Variants in TEX36 observed in about 807,000 individuals in gnomAD.
TEX36 encodes the protein testis expressed 36.
TEX36 carries 12 observed loss-of-function variants against 13.6 expected under a neutral mutation model. The observed-to-expected ratio is 0.88, with a 90% CI of 0.56 to 1.43. The LOEUF (loss-of-function observed/expected upper bound fraction) is 1.43, where lower values mean the gene tolerates loss of function less well. Ranked by LOEUF, TEX36 falls within the 40% of genes most tolerant of loss-of-function variation. TEX36 has a pLI of 0.00. For missense variants in TEX36, 224 were observed against 228.3 expected, an observed-to-expected ratio of 0.98 and a Z score of 0.12; for synonymous variants, 93 against 83.0, an observed-to-expected ratio of 1.12 and a Z score of -0.65.
intron 3 of TEX36, among the ~76,000 whole-genome samples, chr10:125,632,597 C>A (rs1846570144): frequency 6.6e-6 from 1 of 152,092 alleles, no homozygotes; most frequent in Non-Finnish European, 1.5e-5. Flanking sequence ...AGAAGAGAAG[C>A]TGGTAAAAGT....
intron 3 of TEX36, among the ~76,000 whole-genome samples, chr10:125,614,490 T>G (rs1014046099): frequency 6.6e-5 from 10 of 151,660 alleles, no homozygotes; most frequent in Admixed American, 3.9e-4. Context: ...AGTTTCAGCT[T>G]TCTACATATG....
rs536941812 is a variant in TEX36, at chr10:125,683,082, C to T, written c.-93G>A. The T allele has an allele frequency of 2.6e-5, 35 of 1,371,634 alleles. No homozygotes were observed. The East Asian group carries it at 8.0e-4, about 31-fold the overall frequency. The allele number at this position is 1,371,634 out of a possible 1,614,324, so 85.0% of individuals were successfully genotyped here. ...GAAGCTGCTTCCTAAACTTCATAAG[C>T]TCTACACGTCTGGGAAGCTCCTCCT... On this transcript the variant is annotated 5_prime_UTR_variant, in exon 1 of 4. Coordinates refer to ENST00000368821, the MANE Select transcript of TEX36 (RefSeq NM_001128202.3).
At chr10:125,586,647 A>C (rs1381238892) in intron 3 of TEX36, among the ~76,000 whole-genome samples, 1 of 150,594 alleles carries the variant, frequency 6.6e-6, no homozygotes, top group African/African-American at 2.4e-5. Context: ...AAAAAAAAAA[A>C]AAAAAAAAAA....
chr10:125,599,233 A>G (rs1327086222), intron 3 of TEX36, among the ~76,000 whole-genome samples: 1 of 152,192 alleles, frequency 6.6e-6, no homozygotes, highest in African/African-American at 2.4e-5. Context: ...TTGTGGAAGA[A>G]GTCCACATTG....
intron 3 of TEX36, among the ~76,000 whole-genome samples, chr10:125,645,630 A>G (rs1023844614): frequency 6.6e-6 from 1 of 152,212 alleles, no homozygotes; most frequent in Non-Finnish European, 1.5e-5. Context: ...TATTCCAGAT[A>G]TCCTATCCTA....
chr10:125,647,568 T>C (rs1338130367), intron 3 of TEX36, among the ~76,000 whole-genome samples: 1 of 152,190 alleles, frequency 6.6e-6, no homozygotes, highest in Non-Finnish European at 1.5e-5. Context: ...GATGGCCGAA[T>C]AGGAACAGCT....
chr10:125,598,394 A>T (rs552887390), intron 3 of TEX36, among the ~76,000 whole-genome samples: 1 of 152,278 alleles, frequency 6.6e-6, no homozygotes, highest in East Asian at 1.9e-4. Flanking sequence ...TGCTGAGGCT[A>T]GCACTCCTCC....
chr10:125,591,578 G>T (rs367770351), intron 3 of TEX36, among the ~76,000 whole-genome samples: 1 of 152,132 alleles, frequency 6.6e-6, no homozygotes, highest in Non-Finnish European at 1.5e-5. Flanking sequence ...CTGGGAAACC[G>T]CACTGATCAA....
chr10:125,662,684 T>C, intron 1 of TEX36, among the ~76,000 whole-genome samples: 1 of 152,110 alleles, frequency 6.6e-6, no homozygotes, highest in East Asian at 1.9e-4. Context: ...CACTCAGAGC[T>C]GGGGAGAGGG....
chr10:125,608,138 C>T (rs1200470437), intron 3 of TEX36, among the ~76,000 whole-genome samples: 1 of 152,152 alleles, frequency 6.6e-6, no homozygotes, highest in Admixed American at 6.5e-5. Context: ...GCGGGGAAAA[C>T]AGTCACTAAA....
intron 3 of TEX36, among the ~76,000 whole-genome samples, chr10:125,589,707 G>C (rs950371222): frequency 2.2e-4 from 33 of 152,142 alleles, no homozygotes; most frequent in African/African-American, 7.2e-4. Flanking sequence ...TCCTGGGATA[G>C]TGCAAGACTC....
At chr10:125,621,152 T>C (rs1007771134), downstream of TEX36, among the ~76,000 whole-genome samples, 14 of 152,192 alleles carry the variant, frequency 9.2e-5, no homozygotes, top group Admixed American at 9.2e-4. Context: ...AAAATATTAT[T>C]TGGGGATATA....
intron 3 of TEX36, among the ~76,000 whole-genome samples, chr10:125,642,753 T>C (rs1451613165): frequency 6.6e-6 from 1 of 152,206 alleles, no homozygotes; most frequent in Non-Finnish European, 1.5e-5. Flanking sequence ...ACCTCTCTAA[T>C]ACTTACTAAT....
chr10:125,642,123 C>A (rs952071281), intron 3 of TEX36, among the ~76,000 whole-genome samples: 1 of 151,988 alleles, frequency 6.6e-6, no homozygotes, highest in African/African-American at 2.4e-5. Context: ...GGTGTTTGGG[C>A]AGAGAAAGGA....
At chr10:125,643,546 A>G (rs1846721690) in intron 3 of TEX36, among the ~76,000 whole-genome samples, 1 of 152,156 alleles carries the variant, frequency 6.6e-6, no homozygotes, top group Non-Finnish European at 1.5e-5. Flanking sequence ...GATTGAGACC[A>G]TCTGGTTAAC....
chr10:125,644,240 G>A lies in TEX36; in HGVS notation c.264+16781C>T, dbSNP rs180956406. 9.1e-4 allele frequency among the ~76,000 whole-genome samples: 138 copies of A among 152,218 alleles called. 1 individual carries two copies. In the Middle Eastern group the frequency reaches 0.01, roughly 11 times the overall value. On this transcript the variant is annotated intron_variant, in intron 3 of 3. Transcript: ENST00000526819. ...CTTAGTAAGCTGGAAGATGAAGTTC[G>A]GGAATTCTCCCAGAAACCAGTGCAA... is the stretch of plus-strand genomic sequence containing the variant.
intron 3 of TEX36, among the ~76,000 whole-genome samples, chr10:125,613,347 G>A (rs1034854716): frequency 1.1e-4 from 16 of 147,056 alleles, no homozygotes; most frequent in Admixed American, 2.8e-4. Context: ...AGTTACATAC[G>A]TATACATGTG....
intron 3 of TEX36, among the ~76,000 whole-genome samples, chr10:125,649,451 G>A (rs182222348): frequency 9.2e-5 from 14 of 152,234 alleles, no homozygotes; most frequent in East Asian, 3.9e-4. Context: ...AAACAAATGC[G>A]GAGAGATTTT....
chr10:125,650,589 T>G (rs895039428), intron 3 of TEX36, among the ~76,000 whole-genome samples: 3 of 151,882 alleles, frequency 2.0e-5, no homozygotes, highest in African/African-American at 7.3e-5. Context: ...TTAAAAGAAC[T>G]AGAGAAGCAA....
Sources: gnomAD v4.1 joint callset for allele counts (sites outside exome capture counted in the v4.1 genomes callset) on GRCh38, gnomAD v4.1.1 for gene constraint, MANE v1.5 for transcripts, NCBI Gene and HGNC (gene_info 2026-07-23, HGNC 2026-07-21) for gene names.